Variants in PLEKHG1 observed in about 807,000 individuals in gnomAD.
PLEKHG1 encodes pleckstrin homology domain-containing family G member 1.
PLEKHG1 carries 44 observed loss-of-function variants against 100.8 expected under a neutral mutation model. That is an observed-to-expected ratio of 0.44 (90% CI 0.34 to 0.56). The LOEUF (loss-of-function observed/expected upper bound fraction) is 0.56. Ranked by LOEUF, PLEKHG1 falls within the 20% of genes least tolerant of loss-of-function variation. The pLI, the probability that PLEKHG1 is intolerant of heterozygous loss-of-function variation, is 0.01. For missense variants in PLEKHG1, 1,545 were observed against 1,720.9 expected (o/e 0.90, Z 1.81); for synonymous variants, 640 against 662.5 (o/e 0.97, Z 0.52).
At chr6:150,667,036 G>A (rs1374169420) in intron 3 of PLEKHG1, among the ~76,000 whole-genome samples, 2 of 152,134 alleles carry the variant, frequency 1.3e-5, no homozygotes, top group African/African-American at 2.4e-5. Flanking sequence ...GGGATTACAG[G>A]CGTGAGCCAC....
intron 10 of PLEKHG1, among the ~76,000 whole-genome samples, chr6:150,816,675 A>G (rs918579565): frequency 2.0e-5 from 3 of 152,100 alleles, no homozygotes; most frequent in African/African-American, 7.2e-5. Context: ...GAAGTACATC[A>G]ACTCACTTGC....
chr6:150,747,837 A>G (rs1443279905), intron 2 of PLEKHG1, among the ~76,000 whole-genome samples: 1 of 151,962 alleles, frequency 6.6e-6, no homozygotes, highest in Non-Finnish European at 1.5e-5. Context: ...TGGGGGTTGC[A>G]GTGAGCCAAG....
chr6:150,677,182 T>A (rs761716883), intron 3 of PLEKHG1, among the ~76,000 whole-genome samples: 3 of 152,174 alleles, frequency 2.0e-5, no homozygotes, highest in Non-Finnish European at 4.4e-5. Context: ...ATGGTACTCC[T>A]CCATTTAAAA....
chr6:150,816,218 T>C (rs1294779991), intron 10 of PLEKHG1, among the ~76,000 whole-genome samples: 2 of 150,946 alleles, frequency 1.3e-5, no homozygotes, highest in South Asian at 4.2e-4. Context: ...TTCACAAAGA[T>C]AGGATGTTGG....
At chr6:150,749,134 A>G (rs1177375693) in intron 2 of PLEKHG1, among the ~76,000 whole-genome samples, 1 of 152,202 alleles carries the variant, frequency 6.6e-6, no homozygotes, top group Non-Finnish European at 1.5e-5. Flanking sequence ...GCCGGGATGC[A>G]TCCTAGCCCT....
intron 1 of PLEKHG1, among the ~76,000 whole-genome samples, chr6:150,616,056 G>A (rs1194091193): frequency 1.3e-5 from 2 of 152,182 alleles, no homozygotes; most frequent in African/African-American, 2.4e-5. Context: ...GCTAATCAAT[G>A]GCAGTGTTGG....
At chr6:150,823,698 A>C in intron 14 of PLEKHG1, 22 bp downstream of exon 15, 1 of 1,600,904 alleles carries the variant, frequency 6.2e-7, no homozygotes, top group South Asian at 1.1e-5. Context: ...CTCATTTCTT[A>C]CTTGGAAATG....
exon 11 of PLEKHG1, chr6:150,818,215 T>G: frequency 6.3e-7 from 1 of 1,598,714 alleles, no homozygotes; most frequent in South Asian, 1.1e-5. Context: ...TGGATGCCAT[T>G]CGTAAGTTTT....
At chr6:150,707,641 C>A (rs1347371018) in intron 3 of PLEKHG1, among the ~76,000 whole-genome samples, 1 of 152,028 alleles carries the variant, frequency 6.6e-6, no homozygotes, top group Non-Finnish European at 1.5e-5. Context: ...TTTTTTGGCA[C>A]CCCAACCCCA....
intron 5 of PLEKHG1, among the ~76,000 whole-genome samples, chr6:150,796,197 G>A (rs1327016571): frequency 1.3e-5 from 2 of 152,164 alleles, no homozygotes; most frequent in Non-Finnish European, 2.9e-5. Context: ...GCATCAGGCC[G>A]CAAGTCTTGC....
At chr6:150,695,038 A>G in intron 3 of PLEKHG1, among the ~76,000 whole-genome samples, 1 of 152,246 alleles carries the variant, frequency 6.6e-6, no homozygotes, top group Non-Finnish European at 1.5e-5. Context: ...AGAATTAGGA[A>G]GACACATGGC....
At chr6:150,751,534 G>C (rs1415368717) in intron 2 of PLEKHG1, among the ~76,000 whole-genome samples, 1 of 152,218 alleles carries the variant, frequency 6.6e-6, no homozygotes, top group Non-Finnish European at 1.5e-5. Flanking sequence ...CCTTTGAGCA[G>C]CCAAAATAGA....
At chr6:150,777,490 A>G (rs1394042715) in intron 3 of PLEKHG1, among the ~76,000 whole-genome samples, 178 of 100,430 alleles carry the variant, frequency 1.8e-3, no homozygotes, top group African/African-American at 3.1e-3. Context: ...GCACATGTGC[A>G]GTTGCACATT....
exon 16 of PLEKHG1, chr6:150,840,566 T>C: frequency 6.2e-7 from 1 of 1,614,138 alleles, no homozygotes; most frequent in Non-Finnish European, 8.5e-7. Flanking sequence ...CTGATGGAGA[T>C]GAAGATGACT....
At chr6:150,746,417 A>G (rs1783167399) in intron 2 of PLEKHG1, among the ~76,000 whole-genome samples, 1 of 152,206 alleles carries the variant, frequency 6.6e-6, no homozygotes, top group South Asian at 2.1e-4. Context: ...TACTCAGACT[A>G]GAAGATTAAA....
intron 3 of PLEKHG1, among the ~76,000 whole-genome samples, chr6:150,667,937 C>T (rs995204235): frequency 6.6e-6 from 1 of 152,162 alleles, no homozygotes; most frequent in Admixed American, 6.5e-5. Context: ...GGCCTCTTGT[C>T]TTTTTGTAAG....
At chr6:150,642,942 GA>G (rs35230547) in intron 2 of PLEKHG1, among the ~76,000 whole-genome samples, 23,688 of 151,104 alleles carry the variant, frequency 0.16, 1,855 homozygotes, top group South Asian at 0.22. Flanking sequence ...CTCATTCATT[GA>G]AGAAACATTC....
exon 7 of PLEKHG1, chr6:150,804,620 A>G (rs1274212540): frequency 6.3e-7 from 1 of 1,585,584 alleles, no homozygotes; most frequent in Admixed American, 1.9e-5. Context: ...GAAATAGAAA[A>G]CCACCTTGAT....
intron 1 of PLEKHG1, among the ~76,000 whole-genome samples, chr6:150,724,077 G>T (rs926676814): frequency 3.2e-4 from 48 of 152,222 alleles, no homozygotes; most frequent in African/African-American, 1.1e-3. Context: ...GTGCCTCAGG[G>T]CATGTCTAGC....
Sources: gnomAD v4.1 joint callset for allele counts (sites outside exome capture counted in the v4.1 genomes callset) on GRCh38, gnomAD v4.1.1 for gene constraint, MANE v1.5 for transcripts, NCBI Gene and HGNC (gene_info 2026-07-23, HGNC 2026-07-21) for gene names.